PDE3A: variants seen among roughly 807,000 people sequenced by gnomAD.
PDE3A encodes phosphodiesterase 3A.
A neutral mutation model predicts 98.3 loss-of-function variants in PDE3A; 43 were observed. The ratio of observed to expected loss-of-function variants is 0.44; its 90% CI spans 0.34 to 0.56. The LOEUF (loss-of-function observed/expected upper bound fraction) is 0.56, where lower values mean the gene tolerates loss of function less well. PDE3A is among the 20% of genes least tolerant of loss of function. The pLI is 0.01. For missense variants in PDE3A, 1,427 were observed against 1,440.7 expected, an observed-to-expected ratio of 0.99 and a Z score of 0.15; for synonymous variants, 663 against 567.9, an observed-to-expected ratio of 1.17 and a Z score of -2.38.
intron 2 of PDE3A, among the ~76,000 whole-genome samples, chr12:20,582,414 G>A (rs372322748): frequency 2.0e-5 from 3 of 151,922 alleles, no homozygotes; most frequent in South Asian, 2.1e-4. Flanking sequence ...GGCTGGCCTC[G>A]AACTCCTGAC....
intron 1 of PDE3A, among the ~76,000 whole-genome samples, chr12:20,532,977 G>A (rs751409640): frequency 8.1e-5 from 12 of 148,618 alleles, no homozygotes; most frequent in Non-Finnish European, 1.5e-5. Context: ...CGCCCGGCCA[G>A]TTTCTTTTTA....
intron 2 of PDE3A, among the ~76,000 whole-genome samples, chr12:20,589,411 T>C (rs1943270774): frequency 6.6e-6 from 1 of 152,168 alleles, no homozygotes; most frequent in Non-Finnish European, 1.5e-5. Context: ...TGACCTAAGC[T>C]ATGTTACCCA....
chr12:20,379,330 C>T (rs926919380), intron 1 of PDE3A, among the ~76,000 whole-genome samples: 4 of 151,686 alleles, frequency 2.6e-5, no homozygotes, highest in Admixed American at 6.6e-5. Context: ...AGTGTTTGTC[C>T]TCGTGATATG....
chr12:20,426,217 A>T (rs983983964), intron 1 of PDE3A, among the ~76,000 whole-genome samples: 2 of 152,112 alleles, frequency 1.3e-5, no homozygotes, highest in African/African-American at 2.4e-5. Context: ...GCAACTACAC[A>T]TCTGAGTTCT....
At chr12:20,454,350 T>A (rs1373795817) in intron 1 of PDE3A, among the ~76,000 whole-genome samples, 1 of 152,220 alleles carries the variant, frequency 6.6e-6, no homozygotes, top group Non-Finnish European at 1.5e-5. Flanking sequence ...CTAACTGTAT[T>A]TTTCTGCAGT....
At chr12:20,653,108 G>A (rs990241207) in intron 14 of PDE3A, among the ~76,000 whole-genome samples, 1 of 152,044 alleles carries the variant, frequency 6.6e-6, no homozygotes, top group South Asian at 2.1e-4. Flanking sequence ...ATAACTGCTG[G>A]TTAAAAATCT....
At chr12:20,441,006 A>G (rs1944862500) in intron 1 of PDE3A, among the ~76,000 whole-genome samples, 1 of 152,176 alleles carries the variant, frequency 6.6e-6, no homozygotes, top group African/African-American at 2.4e-5. Context: ...TTATAATGAA[A>G]TTGTATGCCA....
At chr12:20,457,913 G>A (rs564257449) in intron 1 of PDE3A, among the ~76,000 whole-genome samples, 1 of 151,908 alleles carries the variant, frequency 6.6e-6, no homozygotes, top group Non-Finnish European at 1.5e-5. Flanking sequence ...TTTTCAGTAA[G>A]TTTTCACAAT....
chr12:20,646,317 A>G (rs1324486780), intron 10 of PDE3A, among the ~76,000 whole-genome samples, 173 bp from the exon 11 acceptor site: 1 of 152,116 alleles, frequency 6.6e-6, no homozygotes, highest in Non-Finnish European at 1.5e-5. Context: ...GTTACGATGG[A>G]TGTTATGGAG....
chr12:20,584,366 T>A (rs1246382665), intron 2 of PDE3A, among the ~76,000 whole-genome samples: 1 of 152,192 alleles, frequency 6.6e-6, no homozygotes, highest in East Asian at 1.9e-4. Context: ...TCTCAAACTG[T>A]GATTCAGAGA....
intron 1 of PDE3A, among the ~76,000 whole-genome samples, chr12:20,425,189 T>C (rs1212031955): frequency 6.6e-6 from 1 of 152,168 alleles, no homozygotes. Context: ...TAATGTCTGG[T>C]GGTAATGCGT....
rs142100452 is a variant in PDE3A, at chr12:20,418,025, T to C, written c.960+47781T>C. Among the ~76,000 whole-genome samples the C allele has an allele frequency of 1.9e-3, 287 of 152,134 alleles. 1 individual carries two copies. Among genetic ancestry groups the C allele is most frequent in the African/African-American group, 6.1e-3 (252 of 41,498 alleles). ...GTCTGTCTCTGAAGTCCATTCTCCATATCACTGAGCTATTCTAGTTTTCCT... is the reference window on the plus strand; with the variant it reads ...GTCTGTCTCTGAAGTCCATTCTCCACATCACTGAGCTATTCTAGTTTTCCT... On this transcript the variant is annotated intron_variant, in intron 1 of 15. Transcript: ENST00000359062.
intron 2 of PDE3A, among the ~76,000 whole-genome samples, chr12:20,578,898 A>G (rs1333122862): frequency 6.6e-6 from 1 of 152,140 alleles, no homozygotes; most frequent in Non-Finnish European, 1.5e-5. Flanking sequence ...TAGGTACTGA[A>G]TAGTGTTCTT....
At chr12:20,380,775 T>TA (rs1055932970) in intron 1 of PDE3A, among the ~76,000 whole-genome samples, 3 of 151,928 alleles carry the variant, frequency 2.0e-5, no homozygotes, top group East Asian at 1.9e-4. Context: ...ATATACTACT[T>TA]AAAAAAATCT....
chr12:20,574,610 A>C (rs1942882878), intron 2 of PDE3A, among the ~76,000 whole-genome samples: 1 of 151,874 alleles, frequency 6.6e-6, no homozygotes, highest in Non-Finnish European at 1.5e-5. Context: ...ATCACCATCA[A>C]CATCATCATC....
At chr12:20,473,286 G>T (rs1945472664) in intron 1 of PDE3A, among the ~76,000 whole-genome samples, 2 of 152,122 alleles carry the variant, frequency 1.3e-5, no homozygotes, top group Non-Finnish European at 2.9e-5. Context: ...ACAGTCCCTT[G>T]TCGAGTCATA....
intron 2 of PDE3A, among the ~76,000 whole-genome samples, chr12:20,607,497 A>G (rs1211318770): frequency 6.6e-6 from 1 of 152,056 alleles, no homozygotes; most frequent in Non-Finnish European, 1.5e-5. Context: ...ATTTACCAAA[A>G]GTATCAGTTA....
At chr12:20,417,030 A>T (rs1944431906) in intron 1 of PDE3A, among the ~76,000 whole-genome samples, 1 of 152,152 alleles carries the variant, frequency 6.6e-6, no homozygotes, top group East Asian at 1.9e-4. Context: ...ATGGTTGGGA[A>T]CTTTAACCAA....
chr12:20,625,885 A>T (rs1421506266), intron 5 of PDE3A, among the ~76,000 whole-genome samples: 1 of 152,128 alleles, frequency 6.6e-6, no homozygotes, highest in Non-Finnish European at 1.5e-5. Context: ...ACATTAGGAC[A>T]GTTTGAATCA....
Sources: allele counts gnomAD v4.1 joint callset (sites outside exome capture counted in the v4.1 genomes callset), GRCh38; gene constraint gnomAD v4.1.1; transcripts MANE v1.5; gene names NCBI Gene and HGNC (gene_info 2026-07-23, HGNC 2026-07-21).